The following LRP1B variants were observed in gnomAD, a reference collection of about 807,000 sequenced individuals.
LRP1B encodes LDL receptor related protein 1B.
In LRP1B, 217 loss-of-function variants were observed where a neutral mutation model predicts 556.6. The ratio of observed to expected loss-of-function variants is 0.39; its 90% CI spans 0.35 to 0.44. The LOEUF is 0.44. Among genes scored for constraint, LRP1B ranks in the 20% least tolerant of loss-of-function variants. The probability of loss-of-function intolerance (pLI) is 1.00; values close to 1 mark genes in which losing one functional copy is unlikely to be tolerated. For missense variants in LRP1B, 5,053 were observed against 5,620.8 expected (o/e 0.90, Z 3.23); for synonymous variants, 2,047 against 1,865.8 (o/e 1.10, Z -2.50).
intron 66 of LRP1B, among the ~76,000 whole-genome samples, chr2:140,403,553 A>G (rs1684599419): frequency 6.6e-6 from 1 of 152,186 alleles, no homozygotes; most frequent in Non-Finnish European, 1.5e-5. Context: ...AGGCTTTCAA[A>G]TTAATCAAGT....
At chr2:142,119,437 T>G (rs1415293898) in intron 1 of LRP1B, among the ~76,000 whole-genome samples, 1 of 152,176 alleles carries the variant, frequency 6.6e-6, no homozygotes, top group Admixed American at 6.5e-5. Flanking sequence ...AGTGAGATAT[T>G]TTGGGGATTA....
rs1686412171 is a variant in LRP1B at position 140,695,845 on chromosome 2, G to A, written c.6799+4405C>T. On this transcript the variant is annotated intron_variant, in intron 41 of 90. Coordinates refer to ENST00000389484, the MANE Select transcript of LRP1B (RefSeq NM_018557.3). ...CCTAATAATCTATGGCACACTGTAA[G>A]CACTTAATAAATATTGAATTGTATT... Among the ~76,000 whole-genome samples the A allele has an allele frequency of 3.3e-5, 5 of 152,232 alleles. No homozygotes were observed. In the South Asian group the frequency reaches 1.0e-3, roughly 32 times the overall value.
chr2:140,484,954 G>A (rs901184717), intron 59 of LRP1B, among the ~76,000 whole-genome samples: 3 of 151,942 alleles, frequency 2.0e-5, no homozygotes, highest in Admixed American at 6.6e-5. Flanking sequence ...AGTGGTGCAG[G>A]GATTACTTTG....
At chr2:141,158,396 T>A (rs929910418) in intron 7 of LRP1B, among the ~76,000 whole-genome samples, 1 of 152,166 alleles carries the variant, frequency 6.6e-6, no homozygotes, top group African/African-American at 2.4e-5. Flanking sequence ...ATTTTTTAAG[T>A]GCATAGAAAA....
At chr2:140,401,759 A>T (rs1195235867) in intron 66 of LRP1B, among the ~76,000 whole-genome samples, 2 of 152,226 alleles carry the variant, frequency 1.3e-5, no homozygotes, top group African/African-American at 4.8e-5. Flanking sequence ...CAACTGACAT[A>T]GTCCCTCATA....
chr2:141,176,673 CA>C (rs1680750406), intron 7 of LRP1B, among the ~76,000 whole-genome samples: 3 of 151,042 alleles, frequency 2.0e-5, no homozygotes, highest in Admixed American at 2.0e-4. Context: ...ATTATGTTTT[CA>C]AAACAAACTT....
chr2:140,709,085 G>A (rs916295592), intron 37 of LRP1B, among the ~76,000 whole-genome samples: 34 of 151,984 alleles, frequency 2.2e-4, no homozygotes, highest in African/African-American at 6.8e-4. Flanking sequence ...TAATCAAAAA[G>A]ACCTTTTGAA....
intron 11 of LRP1B, among the ~76,000 whole-genome samples, chr2:141,036,655 G>C (rs1698541317): frequency 6.6e-6 from 1 of 152,010 alleles, no homozygotes; most frequent in East Asian, 1.9e-4. Flanking sequence ...TGAGGGAGGG[G>C]TAAGAAACCC....
At chr2:141,309,958 T>C (rs1032604931) in intron 3 of LRP1B, among the ~76,000 whole-genome samples, 1 of 152,176 alleles carries the variant, frequency 6.6e-6, no homozygotes, top group Non-Finnish European at 1.5e-5. Context: ...TTTCCCAGCT[T>C]CCAAAAATGT....
At chr2:140,421,734 C>A (rs568198818) in intron 66 of LRP1B, among the ~76,000 whole-genome samples, 14 of 152,288 alleles carry the variant, frequency 9.2e-5, no homozygotes, top group African/African-American at 3.4e-4. Context: ...CTCTCATCAG[C>A]TTTCTAAGGC....
Position 142,079,481 on chromosome 2 carries a change from T to TTTTC in LRP1B, c.82+51163_82+51166dup, listed in dbSNP as rs568425010. On this transcript the variant is annotated intron_variant, in intron 1 of 90. Transcript: ENST00000389484. ...AATGTGATTTTTCATACATCCAATA[T>TTTTC]TTTCTTTCTTTCTTTCTCTTTTTTT... Among the ~76,000 whole-genome samples the TTTTC allele has an allele frequency of 2.0e-5, 3 of 146,644 alleles. 1 individual carries two copies. The highest frequency in any genetic ancestry group is 2.1e-4 in the South Asian group (1 of 4,656).
In LRP1B at chr2:140,578,987, A is replaced by G. The variant is rs116835388; in HGVS notation, c.7194+19644T>C. Among the ~76,000 whole-genome samples, 727 of 152,196 alleles carry G rather than the reference A, an allele frequency of 4.8e-3. 8 individuals are homozygous for G. The highest frequency in any genetic ancestry group is 0.017 in the African/African-American group (688 of 41,510). On this transcript the variant is annotated intron_variant, in intron 43 of 90. Transcript: ENST00000389484. ...AAATACAGAAGTAAACAGAAGGAGGAAGTCTATCTCCCTTCTCTCAGCAAG... is the reference window on the plus strand; with the variant it reads ...AAATACAGAAGTAAACAGAAGGAGGGAGTCTATCTCCCTTCTCTCAGCAAG...
intron 21 of LRP1B, among the ~76,000 whole-genome samples, chr2:140,919,038 G>C (rs557360988): frequency 6.6e-6 from 1 of 151,518 alleles, no homozygotes; most frequent in South Asian, 2.1e-4. Context: ...TCTTTTCGAG[G>C]GTCTCAACAT....
chr2:141,851,960 C>T (rs757589430), intron 1 of LRP1B, among the ~76,000 whole-genome samples: 23 of 151,650 alleles, frequency 1.5e-4, no homozygotes, highest in Non-Finnish European at 3.1e-4. Context: ...AATTTTAAAG[C>T]GGTGGCCCAA....
intron 3 of LRP1B, among the ~76,000 whole-genome samples, chr2:141,459,289 T>C (rs949949012): frequency 3.3e-5 from 5 of 152,154 alleles, no homozygotes; most frequent in Admixed American, 6.5e-5. Context: ...TAAATGATCT[T>C]GTGAAGAAAT....
At chr2:141,052,946 A>T (rs1345234095) in intron 10 of LRP1B, among the ~76,000 whole-genome samples, 1 of 152,016 alleles carries the variant, frequency 6.6e-6, no homozygotes, top group Non-Finnish European at 1.5e-5. Context: ...CCTTGTTGTT[A>T]CTTCTAATGG....
intron 13 of LRP1B, among the ~76,000 whole-genome samples, 156 bp from the exon 14 acceptor site, chr2:141,013,901 G>A (rs1444044052): frequency 6.6e-6 from 1 of 151,910 alleles, no homozygotes; most frequent in African/African-American, 2.4e-5. Context: ...TTCACAATGT[G>A]AGCATATTTT....
intron 31 of LRP1B, among the ~76,000 whole-genome samples, chr2:140,818,471 T>C (rs1193112785): frequency 6.6e-6 from 1 of 152,180 alleles, no homozygotes; most frequent in Non-Finnish European, 1.5e-5. Context: ...TTTTTCAGGC[T>C]TCATCAGAAA....
chr2:141,735,423 A>G (rs1250453406), intron 2 of LRP1B, among the ~76,000 whole-genome samples: 1 of 148,752 alleles, frequency 6.7e-6, no homozygotes, highest in Non-Finnish European at 1.5e-5. Context: ...TTTTGTCAAC[A>G]GGATTCACAC....
Sources: allele counts gnomAD v4.1 joint callset (sites outside exome capture counted in the v4.1 genomes callset), GRCh38; gene constraint gnomAD v4.1.1; transcripts MANE v1.5; gene names NCBI Gene and HGNC (gene_info 2026-07-23, HGNC 2026-07-21).